Variants in MTMR4 observed in about 807,000 individuals in gnomAD.
MTMR4 encodes phosphatidylinositol-3,5-bisphosphate 3-phosphatase MTMR4.
A neutral mutation model predicts 125.5 loss-of-function variants in MTMR4; 30 were observed. The ratio of observed to expected loss-of-function variants is 0.24; its 90% CI spans 0.18 to 0.32. The LOEUF (loss-of-function observed/expected upper bound fraction) is 0.32, where lower values mean the gene tolerates loss of function less well. MTMR4 is among the 10% of genes least tolerant of loss of function. The pLI is 1.00. For synonymous variants in MTMR4, 498 were observed against 564.5 expected (o/e 0.88, Z 1.67); for missense variants, 1,039 against 1,511.5 (o/e 0.69, Z 5.18).
In MTMR4 at chr17:58,495,686, C is replaced by T; in HGVS notation, c.2498G>A (p.Ser833Asn). The T allele has an allele frequency of 6.2e-7, 1 of 1,614,190 alleles. No homozygotes were observed. Among genetic ancestry groups the T allele is most frequent in the Non-Finnish European group, 8.5e-7 (1 of 1,180,038 alleles). Residue 833 changes from serine to asparagine, a missense_variant, in exon 15 of 18, where the codon AGT (serine) becomes AAT (asparagine). Coordinates refer to ENST00000682306, the MANE Select transcript of MTMR4 (RefSeq NM_001378067.1). ...GTCTAGAGGAGTTTGGCAGGCAGCA[C>T]TCGGTGGGTTGCAAACGGTGCTGAG... ...HSLSTVCNPPSAACQTPLDPS... is the reference protein window; with the variant it reads ...HSLSTVCNPPNAACQTPLDPS...
At chr17:58,505,755 A>C (rs1170440694) in intron 9 of MTMR4, among the ~76,000 whole-genome samples, 172 bp from the exon 10 acceptor site, 1 of 152,222 alleles carries the variant, frequency 6.6e-6, no homozygotes, top group Non-Finnish European at 1.5e-5. Context: ...TAAAAATATA[A>C]AAATTAGCTG....
chr17:58,501,166 T>A (rs898789297), intron 14 of MTMR4, among the ~76,000 whole-genome samples: 1 of 152,150 alleles, frequency 6.6e-6, no homozygotes, highest in African/African-American at 2.4e-5. Context: ...GGGCTTTTTG[T>A]TTTCCTTTAT....
intron 4 of MTMR4, 74 bp downstream of exon 4, chr17:58,511,355 A>G: frequency 3.1e-6 from 4 of 1,293,152 alleles, no homozygotes; most frequent in Non-Finnish European, 4.3e-6. Context: ...CTCTTGCACC[A>G]GAGAAACCCT....
In MTMR4 at chr17:58,504,592, A is replaced by T; in HGVS notation, c.1342-104T>A. ...CAGGAAGCTGGCAGCTTCAAAGAAAAATAGGACTGGACCTAGAAGAGGACT... is the reference window on the plus strand; with the variant it reads ...CAGGAAGCTGGCAGCTTCAAAGAAATATAGGACTGGACCTAGAAGAGGACT... On this transcript the variant is annotated intron_variant, in intron 11 of 17. Transcript: ENST00000682306. The surrounding 1 kb of genome is among the most constrained non-coding windows in gnomAD (Gnocchi z 7.1). 7.1e-7 allele frequency: 1 copy of T among 1,414,164 alleles called. No individual in the cohort carries two copies. Among genetic ancestry groups the T allele is most frequent in the Non-Finnish European group, 9.6e-7 (1 of 1,045,336 alleles). 87.6% of individuals were successfully genotyped at this position (1,414,164 alleles called of 1,614,324 possible). A position where few individuals can be genotyped will look rare whatever the true frequency, so the allele number is the denominator to read the frequency against.
At chr17:58,501,778 G>A (rs946835095) in intron 14 of MTMR4, among the ~76,000 whole-genome samples, 1 of 151,402 alleles carries the variant, frequency 6.6e-6, no homozygotes, top group African/African-American at 2.4e-5. Context: ...TAACCCTACT[G>A]GCCAGGCGCA....
rs1331470809 is a variant in MTMR4, at chr17:58,512,509, G to A, written c.136-3C>T. 2 of 1,610,946 alleles carry A rather than the reference G, an allele frequency of 1.2e-6. No individual in the cohort carries two copies. The highest frequency in any genetic ancestry group is 2.2e-5 in the East Asian group (1 of 44,876). ...CCCTGCAGCACTGTGAAGGGGACCT[G>A]TCAAGGGGCAGAGAAACCTTCAGTC... On this transcript the variant is annotated splice_polypyrimidine_tract_variant and splice_region_variant and intron_variant, in intron 2 of 17. Transcript: ENST00000682306. This position sits in a 1 kb window ranked among gnomAD's most constrained non-coding sequence, Gnocchi z 4.1.
chr17:58,504,073 G>A lies in MTMR4; in HGVS notation c.1675C>T (p.Leu559Phe). Reference protein sequence around the residue: ...RAGNKNFHNFLYTPSSDMVLH... With the variant: ...RAGNKNFHNFFYTPSSDMVLH... ...ACCATGTCTGAGCTGGGTGTGTAGAGGAAGTTATGAAAGTTTTTATTGCCA... is the reference window on the plus strand; with the variant it reads ...ACCATGTCTGAGCTGGGTGTGTAGAAGAAGTTATGAAAGTTTTTATTGCCA... The change falls in exon 13 of 18, where the codon CTC becomes TTC. Residue 559 changes from leucine (L) to phenylalanine (F), a missense_variant. This residue lies in a region of MTMR4 where 619 missense variants were observed against 714.5 expected (regional missense o/e 0.87). Transcript: ENST00000682306. This position sits in a 1 kb window ranked among gnomAD's most constrained non-coding sequence, Gnocchi z 7.1. 1 of 1,573,596 alleles carries A rather than the reference G, an allele frequency of 6.4e-7. No homozygotes were observed. The highest frequency in any genetic ancestry group is 8.6e-7 in the Non-Finnish European group (1 of 1,161,290).
intron 17 of MTMR4, 94 bp downstream of exon 17, chr17:58,492,417 C>T: frequency 9.4e-7 from 1 of 1,063,960 alleles, no homozygotes; most frequent in South Asian, 1.4e-5. Flanking sequence ...GATCCGCCTG[C>T]CTCGGCCTCC....
At position 58,512,976 on chromosome 17, in the gene MTMR4, C is replaced by A; in HGVS notation, c.46-35G>T. On this transcript the variant is annotated intron_variant, in intron 1 of 17. Coordinates refer to ENST00000682306, the MANE Select transcript of MTMR4 (RefSeq NM_001378067.1). This position sits in a 1 kb window ranked among gnomAD's most constrained non-coding sequence, Gnocchi z 4.1. ...GGCCACAGTCCTAAGTCACCAAGCT[C>A]CACTTAGCCCATCAGGCTCATTCTG... 1 of 1,499,186 alleles carries A rather than the reference C, an allele frequency of 6.7e-7. No homozygotes were observed. Among genetic ancestry groups the A allele is most frequent in the Non-Finnish European group, 9.3e-7 (1 of 1,078,862 alleles). The allele number at this position is 1,499,186 out of a possible 1,614,324, so 92.9% of individuals were successfully genotyped here. A position where few individuals can be genotyped will look rare whatever the true frequency, so the allele number is the denominator to read the frequency against.
chr17:58,506,670 G>T, intron 9 of MTMR4, 73 bp downstream of exon 9: 4 of 1,566,706 alleles, frequency 2.6e-6, no homozygotes, highest in Non-Finnish European at 2.6e-6. Context: ...CTATACAAAT[G>T]GCCCCCAACC....
chr17:58,494,190 G>A (rs907708526), intron 15 of MTMR4, among the ~76,000 whole-genome samples: 1 of 151,964 alleles, frequency 6.6e-6, no homozygotes, highest in Non-Finnish European at 1.5e-5. Context: ...CATGGTGGCG[G>A]GCGCCTGTAG....
chr17:58,512,232 C>T lies in MTMR4; in HGVS notation c.252+158G>A, dbSNP rs979844034. ...AACTCCTGACCTCAAGTGATCCACC[C>T]GCCTCGGCCTCCCAAAGTGCTGGGA... On this transcript the variant is annotated intron_variant, in intron 3 of 17. Transcript: ENST00000682306. This position sits in a 1 kb window ranked among gnomAD's most constrained non-coding sequence, Gnocchi z 4.1. Among the ~76,000 whole-genome samples the T allele has an allele frequency of 3.3e-5, 5 of 152,166 alleles. No homozygotes were observed. Among genetic ancestry groups the T allele is most frequent in the Admixed American group, 6.5e-5 (1 of 15,270 alleles).
chr17:58,495,496 T>C lies in MTMR4; in HGVS notation c.2688A>G (p.Lys896=), dbSNP rs1214613996. 6.2e-7 allele frequency: 1 copy of C among 1,614,240 alleles called. No individual in the cohort carries two copies. Among genetic ancestry groups the C allele is most frequent in the Non-Finnish European group, 8.5e-7 (1 of 1,180,038 alleles). ...GQLLENPRFG[K]MPLELVRKPI... ...GCTTCCGGACCAATTCCAATGGCAT[T>C]TTCCCAAAGCGAGGATTTTCCAATA... Residue 896 remains lysine, a synonymous_variant, in exon 15 of 18, where the codon AAA becomes AAG. Transcript: ENST00000682306.
intron 14 of MTMR4, among the ~76,000 whole-genome samples, chr17:58,500,989 T>G (rs1255753057): frequency 1.3e-5 from 2 of 152,008 alleles, no homozygotes; most frequent in Non-Finnish European, 2.9e-5. Context: ...AAAAATTTGA[T>G]TAAAAGTTAT....
chr17:58,502,337 T>G (rs1480331066), intron 14 of MTMR4, among the ~76,000 whole-genome samples: 2 of 151,970 alleles, frequency 1.3e-5, no homozygotes, highest in Admixed American at 1.3e-4. Flanking sequence ...TTTGTATTTT[T>G]AGTAGAGACA....
intron 15 of MTMR4, among the ~76,000 whole-genome samples, chr17:58,494,279 C>T (rs1046137933): frequency 6.9e-6 from 1 of 144,122 alleles, no homozygotes; most frequent in Admixed American, 7.3e-5. Flanking sequence ...TGAGATTGCA[C>T]GACTGCACTC....
intron 14 of MTMR4, among the ~76,000 whole-genome samples, chr17:58,500,578 G>A (rs939277103): frequency 7.9e-5 from 12 of 151,722 alleles, no homozygotes; most frequent in African/African-American, 1.7e-4. Flanking sequence ...GTGAAACCCC[G>A]TCTCTACTAA....
intron 14 of MTMR4, among the ~76,000 whole-genome samples, chr17:58,501,157 G>T (rs1022299275): frequency 1.3e-5 from 2 of 151,990 alleles, no homozygotes; most frequent in Admixed American, 1.3e-4. Context: ...TGGGATGCTG[G>T]GCTTTTTGTT....
rs770503579 is a variant in MTMR4 at position 58,507,298 on chromosome 17, G to A, written c.729C>T (p.Ala243=). 2 of 1,613,622 alleles carry A rather than the reference G, an allele frequency of 1.2e-6. No homozygotes were observed. Among genetic ancestry groups the A allele is most frequent in the Non-Finnish European group, 1.7e-6 (2 of 1,180,000 alleles). Reference sequence around the variant, plus strand: ...TCTCTGGCTGGCTGCAGCGGGCGATGGCAGCCCCATTGCGCAAGTGTCTGA... The same window carrying A: ...TCTCTGGCTGGCTGCAGCGGGCGATAGCAGCCCCATTGCGCAAGTGTCTGA... The part of the protein sequence containing the change: ...VVYRHLRNGA[A]IARCSQPEIS... Residue 243 remains alanine (A), a synonymous_variant, in exon 8 of 18, where the codon GCC becomes GCT. Coordinates refer to ENST00000682306, the MANE Select transcript of MTMR4 (RefSeq NM_001378067.1).
Sources: allele counts gnomAD v4.1 joint callset (sites outside exome capture counted in the v4.1 genomes callset), GRCh38; gene constraint gnomAD v4.1.1; regional missense constraint gnomAD v4.1.1; non-coding constraint Gnocchi (gnomAD v3.1); transcripts MANE v1.5; gene names NCBI Gene and HGNC (gene_info 2026-07-23, HGNC 2026-07-21).